Variants in TYW1B observed in about 807,000 individuals in gnomAD.
TYW1B encodes the protein tRNA-yW synthesizing protein 1 homolog B, also known as S-adenosyl-L-methionine-dependent tRNA 4-demethylwyosine synthase TYW1B.
A neutral mutation model predicts 86.9 loss-of-function variants in TYW1B; 73 were observed. The observed-to-expected ratio is 0.84, with a 90% CI of 0.70 to 1.02. The LOEUF (loss-of-function observed/expected upper bound fraction) is 1.02. Ranked by LOEUF, TYW1B falls within the 50% of genes least tolerant of loss-of-function variation. The pLI is 0.00. For missense variants in TYW1B, 637 were observed against 827.4 expected (o/e 0.77, Z 2.82); for synonymous variants, 248 against 292.8 (o/e 0.85, Z 1.56).
intron 12 of TYW1B, among the ~76,000 whole-genome samples, chr7:72,617,090 G>A (rs116254858): frequency 2.8e-3 from 426 of 151,992 alleles, no homozygotes; most frequent in African/African-American, 9.5e-3. Context: ...GCTTTCTACC[G>A]TTGTCACAAT....
chr7:72,687,529 C>T (rs542032215), intron 11 of TYW1B, among the ~76,000 whole-genome samples: 1 of 152,082 alleles, frequency 6.6e-6, no homozygotes, highest in Non-Finnish European at 1.5e-5. Context: ...CTATTACTTG[C>T]AAAATCATGG....
chr7:72,789,588 T>C (rs1372637706), intron 6 of TYW1B, among the ~76,000 whole-genome samples: 1 of 152,200 alleles, frequency 6.6e-6, no homozygotes, highest in Non-Finnish European at 1.5e-5. Flanking sequence ...ATTTTAAATT[T>C]AGAAAATAAC....
intron 7 of TYW1B, among the ~76,000 whole-genome samples, chr7:72,763,354 C>T (rs578084024): frequency 4.1e-4 from 60 of 145,066 alleles, no homozygotes; most frequent in African/African-American, 1.5e-3. Context: ...GTAGTCTCGG[C>T]TCACTGCAAC....
intron 13 of TYW1B, among the ~76,000 whole-genome samples, chr7:72,594,271 A>C (rs1274918314): frequency 6.6e-6 from 1 of 152,056 alleles, no homozygotes; most frequent in Non-Finnish European, 1.5e-5. Context: ...TAGCTGGATG[A>C]ATTTTTAAAA....
intron 2 of TYW1B, among the ~76,000 whole-genome samples, chr7:72,822,434 T>C (rs1195536428): frequency 6.6e-6 from 1 of 152,022 alleles, no homozygotes; most frequent in Non-Finnish European, 1.5e-5. Flanking sequence ...AAGATCCAAA[T>C]AGTCACCTTC....
intron 11 of TYW1B, among the ~76,000 whole-genome samples, chr7:72,632,376 T>TTA (rs559879811): frequency 1.1e-4 from 11 of 96,234 alleles, no homozygotes; most frequent in South Asian, 8.9e-4. Context: ...CGCATATATA[T>TTA]TATATATATA....
intron 9 of TYW1B, 46 bp from the exon 10 acceptor site, chr7:72,713,844 G>A (rs1237779877): frequency 6.7e-7 from 1 of 1,502,902 alleles, no homozygotes; most frequent in Non-Finnish European, 8.9e-7. Context: ...GGCACAGATA[G>A]AGGATGTCAC....
intron 8 of TYW1B, 82 bp from the exon 9 acceptor site, chr7:72,729,013 T>TA (rs1365695847): frequency 8.9e-6 from 12 of 1,342,844 alleles, no homozygotes; most frequent in East Asian, 4.8e-5. Context: ...CGTCCATTTT[T>TA]AAAAAATCAC....
chr7:72,811,073 C>A (rs1788602680), intron 3 of TYW1B, among the ~76,000 whole-genome samples: 1 of 151,696 alleles, frequency 6.6e-6, no homozygotes, highest in African/African-American at 2.4e-5. Context: ...AGATCGAGAC[C>A]ATCCTGGCTA....
intron 9 of TYW1B, among the ~76,000 whole-genome samples, chr7:72,726,653 C>T (rs1349400294): frequency 6.6e-6 from 1 of 152,106 alleles, no homozygotes; most frequent in Non-Finnish European, 1.5e-5. Context: ...CGTGAGGCAC[C>T]GTGCCGAGCC....
At chr7:72,642,083 G>A (rs570021857) in intron 11 of TYW1B, among the ~76,000 whole-genome samples, 14 of 152,094 alleles carry the variant, frequency 9.2e-5, no homozygotes, top group East Asian at 1.9e-4. Flanking sequence ...TACACTTAGC[G>A]GCCAATTGAT....
chr7:72,757,431 TA>T (rs1182243699), intron 7 of TYW1B, among the ~76,000 whole-genome samples: 9 of 143,320 alleles, frequency 6.3e-5, no homozygotes, highest in African/African-American at 1.8e-4. Flanking sequence ...ATCTTGGCTA[TA>T]AAAAAAAACA....
intron 11 of TYW1B, among the ~76,000 whole-genome samples, chr7:72,662,510 T>C (rs577568322): frequency 5.9e-5 from 9 of 152,208 alleles, no homozygotes; most frequent in Admixed American, 1.3e-4. Context: ...GCTCCAAAGC[T>C]AGAAAAATAT....
rs138373726 is a variant in TYW1B, at chr7:72,575,046, T to C, written c.*452A>G. On this transcript the variant is annotated 3_prime_UTR_variant, in exon 14 of 14. Coordinates refer to ENST00000620995, the MANE Select transcript of TYW1B (RefSeq NM_001145440.3). ...GAAGAAAGGGATCAAGCTCTTATCT[T>C]AGAAAGCACAGACACGTTTAGCTCA... 514 of 995,590 alleles carry C rather than the reference T, an allele frequency of 5.2e-4. 2 individuals carry two copies. The African/African-American group carries it at 8.5e-3, about 17-fold the overall frequency. The allele number at this position is 995,590 out of a possible 1,614,324, so 61.7% of individuals were successfully genotyped here.
chr7:72,582,156 A>G (rs1246510150), intron 13 of TYW1B, among the ~76,000 whole-genome samples: 2 of 142,328 alleles, frequency 1.4e-5, no homozygotes, highest in East Asian at 3.8e-4. Flanking sequence ...CTAGACAGAA[A>G]GGAGAAAAAA....
At chr7:72,627,734 CA>C (rs1812382832) in intron 12 of TYW1B, among the ~76,000 whole-genome samples, 1 of 152,046 alleles carries the variant, frequency 6.6e-6, no homozygotes, top group Non-Finnish European at 1.5e-5. Flanking sequence ...TCCTGAAATA[CA>C]AACAAACCCA....
intron 7 of TYW1B, among the ~76,000 whole-genome samples, chr7:72,764,992 A>G (rs1157135740): frequency 6.6e-6 from 1 of 152,140 alleles, no homozygotes; most frequent in Admixed American, 6.6e-5. Context: ...TACTATTCTT[A>G]TTTTTATTTA....
At chr7:72,700,155 C>CTTTTTTTTTTTTT (rs587689485) in intron 10 of TYW1B, among the ~76,000 whole-genome samples, 2 of 74,208 alleles carry the variant, frequency 2.7e-5, no homozygotes, top group Admixed American at 2.5e-4. Context: ...AGCTTTTACA[C>CTTTTTTTTTTTTT]TTTTTTTTTT....
intron 11 of TYW1B, among the ~76,000 whole-genome samples, chr7:72,677,233 C>T (rs13240021): frequency 4.6e-5 from 7 of 152,164 alleles, no homozygotes; most frequent in East Asian, 1.9e-4. Context: ...ACTGCAGCCT[C>T]GGCCTCTTGA....
Sources: gnomAD v4.1 joint callset for allele counts (sites outside exome capture counted in the v4.1 genomes callset) on GRCh38, gnomAD v4.1.1 for gene constraint, MANE v1.5 for transcripts, NCBI Gene and HGNC (gene_info 2026-07-23, HGNC 2026-07-21) for gene names.